Variants in CETP observed in about 807,000 individuals in gnomAD.
CETP encodes cholesteryl ester transfer protein, also known as BPI fold containing family F.
Under a neutral mutation model 66.5 loss-of-function variants are expected in CETP, and 56 were observed. The ratio of observed to expected loss-of-function variants is 0.84; its 90% CI spans 0.68 to 1.05. CETP has a LOEUF of 1.05. Ranked by LOEUF, CETP falls within the 50% of genes least tolerant of loss-of-function variation. CETP has a pLI of 0.00. For synonymous variants in CETP, 251 were observed against 245.7 expected, an observed-to-expected ratio of 1.02 and a Z score of -0.20; for missense variants, 612 against 609.6, an observed-to-expected ratio of 1.00 and a Z score of -0.04.
At chr16:56,980,651 C>T (rs184189786) in intron 11 of CETP, among the ~76,000 whole-genome samples, 40 of 152,240 alleles carry the variant, frequency 2.6e-4, no homozygotes, top group East Asian at 1.9e-3. Flanking sequence ...CGGCCGGGCA[C>T]GGTGGCTCAC....
chr16:56,980,480 C>T (rs1318515305), intron 11 of CETP, among the ~76,000 whole-genome samples: 2 of 152,160 alleles, frequency 1.3e-5, no homozygotes, highest in African/African-American at 4.8e-5. Context: ...TTTATTTAGC[C>T]TTTTAAATAT....
chr16:56,972,161 T>C, intron 8 of CETP, 78 bp downstream of exon 8: 1 of 1,069,792 alleles, frequency 9.3e-7, no homozygotes, highest in Non-Finnish European at 1.4e-6. Flanking sequence ...GACAACCCCG[T>C]CCCCCAGCTT....
intron 1 of CETP, chr16:56,962,455 T>TG: frequency 1.9e-6 from 1 of 517,672 alleles, no homozygotes; most frequent in Non-Finnish European, 3.8e-6. Context: ...TATTTGGTGT[T>TG]GGGGGTCACT....
Position 56,981,203 on chromosome 16 carries a change from T to G in CETP, c.1192T>G (p.Phe398Val), listed in dbSNP as rs369075950. ...VQASYSKKKL[F>V]LSLLDFQITP... ...GGCCTCCTATTCTAAGAAAAAGCTCTTCTTAAGCCTCTTGGATTTCCAGTA... is the reference window on the plus strand; with the variant it reads ...GGCCTCCTATTCTAAGAAAAAGCTCGTCTTAAGCCTCTTGGATTTCCAGTA... Residue 398 changes from phenylalanine to valine, a missense_variant, in exon 12 of 16, where the codon TTC becomes GTC. Coordinates refer to ENST00000200676, the MANE Select transcript of CETP (RefSeq NM_000078.3). 2.1e-5 allele frequency: 34 copies of G among 1,613,824 alleles called. No individual in the cohort carries two copies. The highest frequency in any genetic ancestry group is 1.8e-4 in the Admixed American group (11 of 60,032).
At chr16:56,980,557 G>A (rs1358615799) in intron 11 of CETP, among the ~76,000 whole-genome samples, 7 of 152,068 alleles carry the variant, frequency 4.6e-5, no homozygotes, top group Non-Finnish European at 8.8e-5. Flanking sequence ...TTCTCATGTG[G>A]ATGTAGACAT....
intron 8 of CETP, 79 bp downstream of exon 8, chr16:56,972,162 C>T (rs2056116208): frequency 1.9e-6 from 2 of 1,066,000 alleles, no homozygotes; most frequent in South Asian, 2.6e-5. Context: ...ACAACCCCGT[C>T]CCCCAGCTTC....
chr16:56,975,590 G>A (rs2056143782), intron 10 of CETP, among the ~76,000 whole-genome samples: 1 of 152,188 alleles, frequency 6.6e-6, no homozygotes, highest in Admixed American at 6.5e-5. Context: ...CTCCTTGGAG[G>A]TCGCAGCCCC....
intron 9 of CETP, among the ~76,000 whole-genome samples, chr16:56,973,888 T>G (rs2056131564): frequency 6.6e-6 from 1 of 152,206 alleles, no homozygotes; most frequent in South Asian, 2.1e-4. Flanking sequence ...TCGTGATCTA[T>G]TGAGCAAGTA....
Position 56,962,175 on chromosome 16 carries a change from GA to G in CETP, c.118+80del, listed in dbSNP as rs1204092608. 23 of 1,262,024 alleles carry G rather than the reference GA, an allele frequency of 1.8e-5. No individual in the cohort carries two copies. In the African/African-American group the frequency reaches 3.2e-4, roughly 18 times the overall value. The allele number at this position is 1,262,024 out of a possible 1,614,324, so 78.2% of individuals were successfully genotyped here. A position where few individuals can be genotyped will look rare whatever the true frequency, so the allele number is the denominator to read the frequency against. On this transcript the variant is annotated intron_variant, in intron 1 of 15. Transcript: ENST00000200676. ...ACTATGCCAGGAGCCTCCCTGGCCT[GA>G]AGCCAGCCCTGAAGCCGGCTGCCAC...
intron 10 of CETP, among the ~76,000 whole-genome samples, chr16:56,976,025 C>T (rs2056147780): frequency 6.6e-6 from 1 of 152,216 alleles, no homozygotes. Flanking sequence ...TGATGCCTCT[C>T]TCCTTGCACA....
At chr16:56,962,162 G>T in intron 1 of CETP, 65 bp downstream of exon 1, 1 of 1,358,458 alleles carries the variant, frequency 7.4e-7, no homozygotes, top group South Asian at 1.2e-5. Context: ...TATGCCAGGA[G>T]CCTCCCTGGC....
intron 5 of CETP, among the ~76,000 whole-genome samples, 171 bp downstream of exon 5, chr16:56,970,172 C>G (rs1368900426): frequency 6.6e-6 from 1 of 152,240 alleles, no homozygotes; most frequent in Non-Finnish European, 1.5e-5. Context: ...AATACACCCT[C>G]AAAGGCTGGA....
chr16:56,981,251 G>GCGCCC (rs1205780621), intron 12 of CETP, 26 bp downstream of exon 12: 1 of 1,580,478 alleles, frequency 6.3e-7, no homozygotes, highest in African/African-American at 1.3e-5. Context: ...AAGAGAGGGG[G>GCGCCC]CGGTCAACTC....
chr16:56,972,448 C>G (rs1400879223), intron 8 of CETP, among the ~76,000 whole-genome samples: 5 of 152,250 alleles, frequency 3.3e-5, no homozygotes, highest in African/African-American at 1.2e-4. Flanking sequence ...ATATAGATTT[C>G]TGTAACAAAG....
rs1160758889 is a variant in CETP at position 56,983,676 on chromosome 16, A to G, written c.*10A>G. 1.2e-6 allele frequency: 2 copies of G among 1,613,716 alleles called. No homozygotes were observed. The highest frequency in any genetic ancestry group is 8.5e-7 in the Non-Finnish European group (1 of 1,179,772). On this transcript the variant is annotated 3_prime_UTR_variant, in exon 16 of 16. Transcript: ENST00000200676. The stretch of plus-strand genomic sequence containing the variant: ...CCAGAGCTTGAGCTAGAAGTCTCCA[A>G]GGAGGTCGGGATGGGGCTTGTAGCA...
rs1388621091 is a variant in CETP at position 56,969,680 on chromosome 16, G to A, written c.438G>A (p.Leu146=). 4 of 1,613,770 alleles carry A rather than the reference G, an allele frequency of 2.5e-6. No individual in the cohort carries two copies. The African/African-American group carries it at 4.0e-5, about 16-fold the overall frequency. The change falls in exon 4 of 16, where the codon CTG becomes CTA. Residue 146 remains leucine (L), a splice_region_variant and synonymous_variant. Coordinates refer to ENST00000200676, the MANE Select transcript of CETP (RefSeq NM_000078.3). The part of the protein sequence containing the change: ...SAIDLQINTQ[L]TCDSGRVRTD... The stretch of plus-strand genomic sequence containing the variant: ...TTGACCTCCAGATCAACACACAGCT[G>A]AGTATGTGTCAAGCGTCCTCTGGGG...
Position 56,972,013 on chromosome 16 carries a change from A to C in CETP, c.680A>C (p.Asp227Ala), listed in dbSNP as rs771044357. 6.2e-7 allele frequency: 1 copy of C among 1,613,888 alleles called. No individual in the cohort carries two copies. The highest frequency in any genetic ancestry group is 8.5e-7 in the Non-Finnish European group (1 of 1,179,932). ...GCAGCCAGCATCCTTTCAGATGGAG[A>C]CATTGGGGTGGACATTTCCCTGACA... ...TRAASILSDGDIGVDISLTGD... is the reference protein window; with the variant it reads ...TRAASILSDGAIGVDISLTGD... Residue 227 changes from aspartate (D) to alanine (A), a missense_variant, in exon 8 of 16, where the codon GAC becomes GCC. Asp to Ala is a moderately radical substitution (Grantham distance 126). Transcript: ENST00000200676.
chr16:56,972,353 C>T lies in CETP; in HGVS notation c.750+270C>T, dbSNP rs1055636215. On this transcript the variant is annotated intron_variant, in intron 8 of 15. Coordinates refer to ENST00000200676, the MANE Select transcript of CETP (RefSeq NM_000078.3). ...CCAGCTCCTTCCTAGAGGGCTTATT[C>T]GGCTTCTGTCATCCTCTACAGCAGT... Among the ~76,000 whole-genome samples the T allele has an allele frequency of 4.0e-5, 6 of 151,404 alleles. No individual in the cohort carries two copies. The East Asian group carries it at 9.7e-4, about 25-fold the overall frequency.
Position 56,981,155 on chromosome 16 carries a change from C to T in CETP, c.1147-3C>T, listed in dbSNP as rs567001671. 37 of 1,612,496 alleles carry T rather than the reference C, an allele frequency of 2.3e-5. No homozygotes were observed. The highest frequency in any genetic ancestry group is 1.5e-4 in the Admixed American group (9 of 59,994). The stretch of plus-strand genomic sequence containing the variant: ...TCACAGCAAATTTGGTTTCTCTCCC[C>T]AGGATATCGTGACTACCGTCCAGGC... On this transcript the variant is annotated splice_region_variant and splice_polypyrimidine_tract_variant and intron_variant, in intron 11 of 15. Transcript: ENST00000200676.
Sources: allele counts gnomAD v4.1 joint callset (sites outside exome capture counted in the v4.1 genomes callset), GRCh38; gene constraint gnomAD v4.1.1; transcripts MANE v1.5; gene names NCBI Gene and HGNC (gene_info 2026-07-23, HGNC 2026-07-21).